CHCHD3: variants seen among roughly 807,000 people sequenced by gnomAD.
The protein encoded by CHCHD3 is coiled-coil-helix-coiled-coil-helix domain containing 3.
CHCHD3 carries 20 observed loss-of-function variants against 38.2 expected under a neutral mutation model. The ratio of observed to expected loss-of-function variants is 0.52; its 90% CI spans 0.37 to 0.76. The LOEUF is 0.76. Ranked by LOEUF, CHCHD3 falls within the 30% of genes least tolerant of loss-of-function variation. CHCHD3 has a pLI of 0.00. For missense variants in CHCHD3, 245 were observed against 279.2 expected, an observed-to-expected ratio of 0.88 and a Z score of 0.87; for synonymous variants, 82 against 100.0, an observed-to-expected ratio of 0.82 and a Z score of 1.07.
intron 7 of CHCHD3, among the ~76,000 whole-genome samples, chr7:132,785,916 G>A (rs1037426221): frequency 6.6e-6 from 1 of 152,104 alleles, no homozygotes; most frequent in African/African-American, 2.4e-5. Context: ...AGTAGCTCAC[G>A]CCTGTAATCC....
At chr7:133,023,065 TTC>T (rs1813237850) in intron 3 of CHCHD3, among the ~76,000 whole-genome samples, 2 of 152,084 alleles carry the variant, frequency 1.3e-5, no homozygotes, top group African/African-American at 2.4e-5. Flanking sequence ...AACATATTGA[TTC>T]TCTTTTTTTA....
chr7:132,812,205 T>TTTTTTC (rs1807089535), intron 6 of CHCHD3, among the ~76,000 whole-genome samples: 1 of 53,704 alleles, frequency 1.9e-5, no homozygotes, highest in African/African-American at 8.6e-5. Flanking sequence ...CTTTTCTTTT[T>TTTTTTC]TTTTTTTTTT....
intron 4 of CHCHD3, among the ~76,000 whole-genome samples, chr7:132,953,004 T>C (rs1024961777): frequency 1.3e-4 from 20 of 152,226 alleles, no homozygotes; most frequent in African/African-American, 4.8e-4. Context: ...AATACCTCAC[T>C]TCATTATGCC....
intron 2 of CHCHD3, among the ~76,000 whole-genome samples, chr7:133,055,523 T>G (rs991074984): frequency 7.5e-5 from 11 of 146,656 alleles, no homozygotes; most frequent in Admixed American, 2.7e-4. Flanking sequence ...AATATAATTG[T>G]TACATATTTA....
intron 4 of CHCHD3, among the ~76,000 whole-genome samples, chr7:132,913,947 T>C (rs1024080693): frequency 1.6e-5 from 2 of 126,052 alleles, no homozygotes; most frequent in Admixed American, 9.6e-5. Context: ...GTTTTCTTTT[T>C]CTTTTTTTTT....
chr7:132,826,572 A>G (rs1180222264), intron 6 of CHCHD3, among the ~76,000 whole-genome samples: 1 of 152,206 alleles, frequency 6.6e-6, no homozygotes, highest in African/African-American at 2.4e-5. Context: ...ACTATTGGCC[A>G]CTGAATGGGA....
intron 4 of CHCHD3, among the ~76,000 whole-genome samples, chr7:132,957,054 C>A (rs1811192452): frequency 6.6e-6 from 1 of 152,168 alleles, no homozygotes; most frequent in African/African-American, 2.4e-5. Flanking sequence ...GCAGAAAGAT[C>A]CCTGCCTTCT....
chr7:133,002,790 C>A lies in CHCHD3; in HGVS notation c.251+21756G>T, dbSNP rs569340512. ...AATTGCTCTTCCATTTAATGTCACA[C>A]AATAATGACCACCTCCTGAAACCTT... On this transcript the variant is annotated intron_variant, in intron 3 of 7. Transcript: ENST00000262570. Among the ~76,000 whole-genome samples, 112 of 152,222 alleles carry A rather than the reference C, an allele frequency of 7.4e-4. 1 individual carries two copies. The highest frequency in any genetic ancestry group is 5.6e-3 in the East Asian group (29 of 5,182).
intron 5 of CHCHD3, among the ~76,000 whole-genome samples, chr7:132,846,115 A>G (rs1201615005): frequency 6.6e-6 from 1 of 152,180 alleles, no homozygotes; most frequent in African/African-American, 2.4e-5. Context: ...CAGCAACATG[A>G]CTTCACAGCT....
intron 1 of CHCHD3, among the ~76,000 whole-genome samples, chr7:133,074,875 C>T (rs753724204): frequency 3.3e-5 from 5 of 152,192 alleles, no homozygotes; most frequent in Non-Finnish European, 5.9e-5. Context: ...CCATAAACTA[C>T]AATTGGCTAC....
intron 6 of CHCHD3, among the ~76,000 whole-genome samples, chr7:132,808,286 C>G (rs1220701788): frequency 6.6e-6 from 1 of 152,080 alleles, no homozygotes. Context: ...TAAGTTGGCC[C>G]CTTCTCTGTC....
intron 4 of CHCHD3, among the ~76,000 whole-genome samples, chr7:132,890,825 C>T (rs752642600): frequency 4.1e-4 from 62 of 152,116 alleles, no homozygotes; most frequent in Non-Finnish European, 7.6e-4. Flanking sequence ...CTGAAGCATA[C>T]ATATAAAGAA....
At chr7:133,034,542 T>A (rs1813598491) in intron 2 of CHCHD3, 2 of 658,036 alleles carry the variant, frequency 3.0e-6, no homozygotes, top group Non-Finnish European at 5.0e-6. Flanking sequence ...AATGTTCAGT[T>A]TCCTTTAATG....
chr7:132,876,504 G>T (rs1365619649), intron 5 of CHCHD3, among the ~76,000 whole-genome samples: 1 of 152,056 alleles, frequency 6.6e-6, no homozygotes, highest in South Asian at 2.1e-4. Context: ...AACCATCAGG[G>T]TAAACAGAAT....
intron 3 of CHCHD3, among the ~76,000 whole-genome samples, chr7:132,977,221 G>A (rs1386308960): frequency 6.6e-6 from 1 of 152,200 alleles, no homozygotes; most frequent in Non-Finnish European, 1.5e-5. Flanking sequence ...ACCAGCTGCA[G>A]TAGCATCAGC....
At chr7:132,876,582 C>G (rs567005207) in intron 5 of CHCHD3, among the ~76,000 whole-genome samples, 27 of 152,176 alleles carry the variant, frequency 1.8e-4, no homozygotes, top group African/African-American at 6.5e-4. Context: ...AGTATGCAAC[C>G]CATATTGTTG....
At chr7:133,011,951 G>A (rs12707072) in intron 3 of CHCHD3, among the ~76,000 whole-genome samples, 56,476 of 152,002 alleles carry the variant, frequency 0.37, 10,657 homozygotes, top group Admixed American at 0.43. Flanking sequence ...TTGAGACAGA[G>A]TATTGCTCTG....
intron 5 of CHCHD3, among the ~76,000 whole-genome samples, chr7:132,881,500 G>T (rs1166200415): frequency 6.6e-6 from 1 of 152,242 alleles, no homozygotes; most frequent in East Asian, 1.9e-4. Flanking sequence ...ATGCGCAGAT[G>T]GTAAGGTTAT....
At chr7:132,984,900 G>T (rs1275483275) in intron 3 of CHCHD3, among the ~76,000 whole-genome samples, 1 of 99,338 alleles carries the variant, frequency 1.0e-5, no homozygotes, top group African/African-American at 3.8e-5. Context: ...GAGGGAGGTG[G>T]GGGGGTCAGC....
Sources: gnomAD v4.1 joint callset for allele counts (sites outside exome capture counted in the v4.1 genomes callset) on GRCh38, gnomAD v4.1.1 for gene constraint, MANE v1.5 for transcripts, NCBI Gene and HGNC (gene_info 2026-07-23, HGNC 2026-07-21) for gene names.